SMR3A: variants seen among roughly 807,000 people sequenced by gnomAD.
The protein encoded by SMR3A is submaxillary gland androgen-regulated protein 3A.
For missense variants in SMR3A, 188 were observed against 163.0 expected (o/e 1.15, Z -0.84); for synonymous variants, 48 against 57.4 (o/e 0.84, Z 0.74).
chr4:70,362,189 A>G lies in SMR3A; in HGVS notation c.54+20A>G. Reference sequence around the variant, plus strand: ...TTCACAGTAAGTATCATTAATCACGATCACACATCTTTATACTTTCTCATT... The same window carrying G: ...TTCACAGTAAGTATCATTAATCACGGTCACACATCTTTATACTTTCTCATT... On this transcript the variant is annotated intron_variant, in intron 2 of 2. Transcript: ENST00000226460. 6.2e-7 allele frequency: 1 copy of G among 1,611,640 alleles called. No individual in the cohort carries two copies. Among genetic ancestry groups the G allele is most frequent in the African/African-American group, 1.3e-5 (1 of 74,892 alleles).
chr4:70,364,655 G>A (rs1243134739), intron 2 of SMR3A, among the ~76,000 whole-genome samples: 1 of 151,946 alleles, frequency 6.6e-6, no homozygotes, highest in Non-Finnish European at 1.5e-5. Flanking sequence ...ATATCTTGGT[G>A]AAGCAGGAGA....
rs1165395499 is a variant in SMR3A, at chr4:70,364,157, A to G, written c.54+1988A>G. Among the ~76,000 whole-genome samples, 8 of 152,160 alleles carry G rather than the reference A, an allele frequency of 5.3e-5. No homozygotes were observed. The South Asian group carries it at 1.5e-3, about 28-fold the overall frequency. The stretch of plus-strand genomic sequence containing the variant: ...GCTTTGCTTTGCAGGAAAGAGGTGA[A>G]AAGGAGGTCACAACAACAAGGGTAT... On this transcript the variant is annotated intron_variant, in intron 2 of 2. Transcript: ENST00000226460.
rs975477012 is a variant in SMR3A at position 70,364,627 on chromosome 4, C to T, written c.55-2017C>T. Reference sequence around the variant, plus strand: ...GTGTGGCCAGTAAATCAGGGAAGTTCGTTTCTAATTGCCTGAAATATCTTG... The same window carrying T: ...GTGTGGCCAGTAAATCAGGGAAGTTTGTTTCTAATTGCCTGAAATATCTTG... On this transcript the variant is annotated intron_variant, in intron 2 of 2. Transcript: ENST00000226460. Among the ~76,000 whole-genome samples the T allele has an allele frequency of 3.3e-5, 5 of 151,800 alleles. No homozygotes were observed. In the South Asian group the frequency reaches 6.3e-4, roughly 19 times the overall value.
Position 70,361,142 on chromosome 4 carries a change from A to AT in SMR3A, c.-15+302dup, listed in dbSNP as rs763035544. Among the ~76,000 whole-genome samples, 28 of 152,020 alleles carry AT rather than the reference A, an allele frequency of 1.8e-4. No individual in the cohort carries two copies. The East Asian group carries it at 3.3e-3, about 18-fold the overall frequency. On this transcript the variant is annotated intron_variant, in intron 1 of 2. Coordinates refer to ENST00000226460, the MANE Select transcript of SMR3A (RefSeq NM_012390.4). ...TCTCAGATGTACTCTAAAAGAGGGA[A>AT]TTGTTCCACAGTATATGTTTATTAT... is the stretch of plus-strand genomic sequence containing the variant.
At chr4:70,362,039 A>G in intron 1 of SMR3A, 63 bp from the exon 2 acceptor site, 1 of 1,606,100 alleles carries the variant, frequency 6.2e-7, no homozygotes, top group Non-Finnish European at 8.5e-7. Flanking sequence ...GTGTTGAGAC[A>G]TTTTAAATAG....
intron 1 of SMR3A, among the ~76,000 whole-genome samples, chr4:70,361,547 T>C (rs1171947701): frequency 6.6e-6 from 1 of 151,868 alleles, no homozygotes; most frequent in Non-Finnish European, 1.5e-5. Flanking sequence ...ATTAATTTAG[T>C]GGAATGTTGT....
chr4:70,362,384 T>G (rs1732169223), intron 2 of SMR3A, among the ~76,000 whole-genome samples: 1 of 151,844 alleles, frequency 6.6e-6, no homozygotes, highest in African/African-American at 2.4e-5. Flanking sequence ...ACAGCTCAAG[T>G]CTGTAATATC....
intron 2 of SMR3A, among the ~76,000 whole-genome samples, chr4:70,364,098 T>C (rs1732206124): frequency 1.3e-5 from 2 of 152,034 alleles, no homozygotes; most frequent in South Asian, 4.2e-4. Context: ...AAGTGAGAAG[T>C]GGGGTTGGCA....
Position 70,362,154 on chromosome 4 carries a change from T to C in SMR3A, c.39T>C (p.Leu13=), listed in dbSNP as rs779427779. ...SLTWILGLWA[L]AACFTPGESQ... ...CTTGGATCTTGGGCCTTTGGGCTCT[T>C]GCAGCGTGTTTCACAGTAAGTATCA... is the stretch of plus-strand genomic sequence containing the variant. The change falls in exon 2 of 3, where the codon CTT becomes CTC. Residue 13 remains leucine (L), a synonymous_variant. Coordinates refer to ENST00000226460, the MANE Select transcript of SMR3A (RefSeq NM_012390.4). 1 of 1,611,916 alleles carries C rather than the reference T, an allele frequency of 6.2e-7. No homozygotes were observed. The highest frequency in any genetic ancestry group is 2.2e-5 in the East Asian group (1 of 44,766).
At position 70,364,267 on chromosome 4, in the gene SMR3A, G is replaced by A. The variant is rs1037634067; in HGVS notation, c.54+2098G>A. On this transcript the variant is annotated intron_variant, in intron 2 of 2. Coordinates refer to ENST00000226460, the MANE Select transcript of SMR3A (RefSeq NM_012390.4). Reference sequence around the variant, plus strand: ...AATGATGTCTTCGACCTCTCTGTACGTGTTAGGTGAAAGCGGCAAGATTAG... The same window carrying A: ...AATGATGTCTTCGACCTCTCTGTACATGTTAGGTGAAAGCGGCAAGATTAG... Among the ~76,000 whole-genome samples the A allele has an allele frequency of 5.3e-5, 8 of 151,878 alleles. No individual in the cohort carries two copies. In the East Asian group the frequency reaches 5.8e-4, roughly 11 times the overall value.
chr4:70,364,875 C>A (rs937759375), intron 2 of SMR3A, among the ~76,000 whole-genome samples: 5 of 151,966 alleles, frequency 3.3e-5, no homozygotes, highest in African/African-American at 7.2e-5. Flanking sequence ...TTGTTAAGAA[C>A]CTGGAACTAG....
chr4:70,362,296 C>T, intron 2 of SMR3A, 127 bp downstream of exon 2: 5 of 1,510,640 alleles, frequency 3.3e-6, no homozygotes, highest in Non-Finnish European at 4.5e-6. Context: ...TGATGAAACA[C>T]TGTTCTAGTG....
At chr4:70,365,536 C>G (rs1200798263) in intron 2 of SMR3A, among the ~76,000 whole-genome samples, 1 of 151,988 alleles carries the variant, frequency 6.6e-6, no homozygotes, top group South Asian at 2.1e-4. Context: ...GAAAAAGAGA[C>G]TCAAAAAGGA....
chr4:70,365,720 G>C (rs75925624), intron 2 of SMR3A, among the ~76,000 whole-genome samples: 2 of 151,890 alleles, frequency 1.3e-5, no homozygotes, highest in African/African-American at 4.8e-5. Flanking sequence ...CTGGCAAACT[G>C]CCAGGTTGAC....
At chr4:70,362,663 T>C (rs918524975) in intron 2 of SMR3A, among the ~76,000 whole-genome samples, 1 of 151,848 alleles carries the variant, frequency 6.6e-6, no homozygotes, top group Non-Finnish European at 1.5e-5. Flanking sequence ...ACCTACCATA[T>C]ATTAAAAACT....
chr4:70,366,561 T>C, intron 2 of SMR3A, 83 bp from the exon 3 acceptor site: 1 of 1,318,652 alleles, frequency 7.6e-7, no homozygotes, highest in Non-Finnish European at 1.0e-6. Flanking sequence ...ATCTCAGAGT[T>C]CTGCTTACCA....
At chr4:70,365,658 C>G (rs567856075) in intron 2 of SMR3A, among the ~76,000 whole-genome samples, 3 of 152,016 alleles carry the variant, frequency 2.0e-5, no homozygotes, top group South Asian at 2.1e-4. Flanking sequence ...TTTATCCCCC[C>G]CTGTATTGTA....
chr4:70,365,524 A>G (rs13435339), intron 2 of SMR3A, among the ~76,000 whole-genome samples: 77,682 of 151,898 alleles, frequency 0.51, 21,720 homozygotes, highest in South Asian at 0.78. Context: ...TTTTCCTGAT[A>G]AGAAAAAGAG....
Position 70,366,714 on chromosome 4 carries a change from GTT to G in SMR3A, c.128_129del (p.Phe43SerfsTer83). ...CCACTGGCTCCTCCTCCTCCACCAT[GTT>G]TTCCTTTTGGAACAGGATTTGTTCC... On this transcript the variant is annotated frameshift_variant, in exon 3 of 3. Coordinates refer to ENST00000226460, the MANE Select transcript of SMR3A (RefSeq NM_012390.4). LOFTEE classifies it low-confidence loss of function (END_TRUNC). The G allele has an allele frequency of 1.9e-6, 3 of 1,613,202 alleles. No individual in the cohort carries two copies. The highest frequency in any genetic ancestry group is 2.5e-6 in the Non-Finnish European group (3 of 1,179,526).
Sources: allele counts gnomAD v4.1 joint callset (sites outside exome capture counted in the v4.1 genomes callset), GRCh38; gene constraint gnomAD v4.1.1; transcripts MANE v1.5; gene names NCBI Gene and HGNC (gene_info 2026-07-23, HGNC 2026-07-21).